The following ART4 variants were observed in gnomAD, a reference collection of about 807,000 sequenced individuals.
ART4 encodes ADP-ribosyltransferase 4 (inactive) (Dombrock blood group).
ART4 carries 14 observed loss-of-function variants against 24.2 expected under a neutral mutation model. The ratio of observed to expected loss-of-function variants is 0.58; its 90% CI spans 0.38 to 0.90. ART4 has a LOEUF of 0.90. Among genes scored for constraint, ART4 ranks in the 40% least tolerant of loss-of-function variants. The pLI, the probability that ART4 is intolerant of heterozygous loss-of-function variation, is 0.00. For synonymous variants in ART4, 145 were observed against 139.9 expected, an observed-to-expected ratio of 1.04 and a Z score of -0.26; for missense variants, 356 against 366.6, an observed-to-expected ratio of 0.97 and a Z score of 0.24.
chr12:14,836,594 A>T (rs565658562), intron 2 of ART4, among the ~76,000 whole-genome samples: 2 of 152,298 alleles, frequency 1.3e-5, no homozygotes, highest in East Asian at 1.9e-4. Flanking sequence ...CATTACTGCA[A>T]TTTTTTGCCC....
chr12:14,829,145 A>C lies in ART4; in HGVS notation c.*226T>G. 1 of 336,320 alleles carries C rather than the reference A, an allele frequency of 3.0e-6. No individual in the cohort carries two copies. Among genetic ancestry groups the C allele is most frequent in the Non-Finnish European group, 5.3e-6 (1 of 189,902 alleles). 20.8% of individuals were successfully genotyped at this position (336,320 alleles called of 1,614,324 possible). A position where few individuals can be genotyped will look rare whatever the true frequency, so the allele number is the denominator to read the frequency against. On this transcript the variant is annotated 3_prime_UTR_variant, in exon 3 of 3. Coordinates refer to ENST00000228936, the MANE Select transcript of ART4 (RefSeq NM_021071.4). ...GCTCTGCATCAGTTGCTAGCTGGGC[A>C]GAGTGATTTCCCCAAGAGTACTTAG...
At chr12:14,834,550 C>G (rs756991088) in intron 2 of ART4, among the ~76,000 whole-genome samples, 1 of 152,150 alleles carries the variant, frequency 6.6e-6, no homozygotes, top group Non-Finnish European at 1.5e-5. Context: ...CTATATTTCT[C>G]TAGAAACATG....
At chr12:14,830,119 AGTGTGTGTGTGTGT>A (rs113436435) in intron 2 of ART4, among the ~76,000 whole-genome samples, 13 of 145,618 alleles carry the variant, frequency 8.9e-5, no homozygotes, top group Admixed American at 3.4e-4. Context: ...TCCTGTTTGG[AGTGTGTGTGTGTGT>A]GTGTGTGTGT....
At chr12:14,837,795 G>A (rs1356543124) in intron 2 of ART4, among the ~76,000 whole-genome samples, 1 of 152,192 alleles carries the variant, frequency 6.6e-6, no homozygotes, top group African/African-American at 2.4e-5. Context: ...GATTACGGGT[G>A]TGAGCCACCG....
intron 2 of ART4, among the ~76,000 whole-genome samples, chr12:14,832,357 A>T (rs943655613): frequency 2.6e-5 from 4 of 152,130 alleles, no homozygotes; most frequent in Non-Finnish European, 1.5e-5. Flanking sequence ...CCTCAGATAT[A>T]CATGGGACTG....
chr12:14,841,531 G>A (rs1017339916), intron 1 of ART4, among the ~76,000 whole-genome samples: 36 of 152,222 alleles, frequency 2.4e-4, no homozygotes, highest in African/African-American at 8.4e-4. Flanking sequence ...TCTCACTGGT[G>A]TTTTCAAAAA....
chr12:14,841,662 A>G lies in ART4; in HGVS notation c.145-509T>C, dbSNP rs147797820. 3.1e-3 allele frequency among the ~76,000 whole-genome samples: 477 copies of G among 152,352 alleles called. 3 individuals carry two copies. The highest frequency in any genetic ancestry group is 0.011 in the African/African-American group (459 of 41,570). On this transcript the variant is annotated intron_variant, in intron 1 of 2. Coordinates refer to ENST00000228936, the MANE Select transcript of ART4 (RefSeq NM_021071.4). The stretch of plus-strand genomic sequence containing the variant: ...TCTTGTCTACCTGGGTTCTGAAAAC[A>G]TTGATAATAAAAATAGCAAAATATG...
At chr12:14,842,888 G>A (rs1863074703) in intron 1 of ART4, 82 bp downstream of exon 1, 7 of 1,451,454 alleles carry the variant, frequency 4.8e-6, no homozygotes, top group South Asian at 4.2e-5. Flanking sequence ...CTAAGTTTTC[G>A]GCCATTTAAA....
In ART4 at chr12:14,843,248, G is replaced by C; in HGVS notation, c.-135C>G. 9.6e-7 allele frequency: 1 copy of C among 1,041,846 alleles called. No individual in the cohort carries two copies. The highest frequency in any genetic ancestry group is 2.6e-5 in the East Asian group (1 of 37,964). 64.5% of individuals were successfully genotyped at this position (1,041,846 alleles called of 1,614,324 possible). On this transcript the variant is annotated 5_prime_UTR_variant, in exon 1 of 3. Transcript: ENST00000228936. ...CCCCTGTCTATGCTGAGCAACTTCT[G>C]TTGCCCACCAACAACCAATAGCTTG...
In ART4 at chr12:14,826,743, C is replaced by T. The variant is rs148149107; in HGVS notation, c.*2628G>A. The T allele has an allele frequency of 6.6e-6, 1 of 152,318 alleles. No homozygotes were observed. The highest frequency in any genetic ancestry group is 2.4e-5 in the African/African-American group (1 of 41,546). 9.4% of individuals were successfully genotyped at this position (152,318 alleles called of 1,614,324 possible). On this transcript the variant is annotated 3_prime_UTR_variant, in exon 3 of 3. Coordinates refer to ENST00000228936, the MANE Select transcript of ART4 (RefSeq NM_021071.4). ...GTACATACATCGATCATTCCGTATT[C>T]GCTTCTATTTTCTGCTTTCCTCTAA...
Position 14,842,798 on chromosome 12 carries a change from A to G in ART4, c.144+172T>C, listed in dbSNP as rs2137306860. 2.0e-5 allele frequency among the ~76,000 whole-genome samples: 3 copies of G among 152,354 alleles called. 1 individual carries two copies. In the Middle Eastern group the frequency reaches 0.01, roughly 518 times the overall value. On this transcript the variant is annotated intron_variant, in intron 1 of 2. Transcript: ENST00000228936. ...AAGTGTACTAACAGTGAAGGATTCTACAATTTTTCATAACTGTTTTCAACA... is the reference window on the plus strand; with the variant it reads ...AAGTGTACTAACAGTGAAGGATTCTGCAATTTTTCATAACTGTTTTCAACA...
At position 14,828,347 on chromosome 12, in the gene ART4, A is replaced by G. The variant is rs1488877698; in HGVS notation, c.*1024T>C. The G allele has an allele frequency of 6.6e-6, 1 of 152,194 alleles. No homozygotes were observed. Among genetic ancestry groups the G allele is most frequent in the East Asian group, 1.9e-4 (1 of 5,200 alleles). 9.4% of individuals were successfully genotyped at this position (152,194 alleles called of 1,614,324 possible). ...TATGAGTTTAAATTTTAACTTTTGT[A>G]ATGTCTTAGGAACATGCATGAACAC... On this transcript the variant is annotated 3_prime_UTR_variant, in exon 3 of 3. Coordinates refer to ENST00000228936, the MANE Select transcript of ART4 (RefSeq NM_021071.4).
At chr12:14,830,496 A>G (rs1278351348) in intron 2 of ART4, among the ~76,000 whole-genome samples, 1 of 144,508 alleles carries the variant, frequency 6.9e-6, no homozygotes, top group East Asian at 2.2e-4. Context: ...ATTTTCACAC[A>G]ATATATACAT....
In ART4 at chr12:14,826,005, C is replaced by T. The variant is rs560232879; in HGVS notation, c.*3366G>A. On this transcript the variant is annotated 3_prime_UTR_variant, in exon 3 of 3. Transcript: ENST00000228936. ...TACTATAGGACATAAGTACTCCTTA[C>T]AGCACAGTCTCTGTTAACAGTTGCA... is the stretch of plus-strand genomic sequence containing the variant. 4.2e-4 allele frequency: 64 copies of T among 152,308 alleles called. 1 individual carries two copies. Among genetic ancestry groups the T allele is most frequent in the African/African-American group, 1.4e-3 (60 of 41,570 alleles). The allele number at this position is 152,308 out of a possible 1,614,324, so 9.4% of individuals were successfully genotyped here.
chr12:14,842,526 T>C (rs1406166122), intron 1 of ART4, among the ~76,000 whole-genome samples: 2 of 152,358 alleles, frequency 1.3e-5, no homozygotes, highest in East Asian at 3.9e-4. Context: ...TGATGAACTC[T>C]GAAACTTTGT....
At chr12:14,841,207 G>A in intron 1 of ART4, 54 bp from the exon 2 acceptor site, 2 of 1,508,030 alleles carry the variant, frequency 1.3e-6, no homozygotes, top group Non-Finnish European at 1.8e-6. Flanking sequence ...TGGTGAATGT[G>A]GTTGCAGATT....
chr12:14,828,527 C>T lies in ART4; in HGVS notation c.*844G>A, dbSNP rs897090738. ...GAAGAAAATTCACACCTTGGTTAAT[C>T]TCTGGGGTTCAAAGCTTTTCTGTTT... On this transcript the variant is annotated 3_prime_UTR_variant, in exon 3 of 3. Coordinates refer to ENST00000228936, the MANE Select transcript of ART4 (RefSeq NM_021071.4). The T allele has an allele frequency of 5.3e-5, 8 of 152,052 alleles. No homozygotes were observed. The highest frequency in any genetic ancestry group is 1.5e-5 in the Non-Finnish European group (1 of 68,012). 9.4% of individuals were successfully genotyped at this position (152,052 alleles called of 1,614,324 possible).
At position 14,829,366 on chromosome 12, in the gene ART4, T is replaced by C. The variant is rs757536548; in HGVS notation, c.*5A>G. ...TTTTTAAATAAAAGGAGCCACAAGATTTCTTTATACTCTGCTTTTGGAAAA... is the reference window on the plus strand; with the variant it reads ...TTTTTAAATAAAAGGAGCCACAAGACTTCTTTATACTCTGCTTTTGGAAAA... On this transcript the variant is annotated 3_prime_UTR_variant, in exon 3 of 3. Transcript: ENST00000228936. 1.3e-6 allele frequency: 2 copies of C among 1,529,364 alleles called. No individual in the cohort carries two copies. The highest frequency in any genetic ancestry group is 1.8e-6 in the Non-Finnish European group (2 of 1,140,282). The allele number at this position is 1,529,364 out of a possible 1,614,324, so 94.7% of individuals were successfully genotyped here.
At position 14,827,149 on chromosome 12, in the gene ART4, T is replaced by C. The variant is rs1333950207; in HGVS notation, c.*2222A>G. ...ACTCATGAGAGATCTGGCCTAGTGTTCTTAACTTTTAATCCCCAAAGTGCT... is the reference window on the plus strand; with the variant it reads ...ACTCATGAGAGATCTGGCCTAGTGTCCTTAACTTTTAATCCCCAAAGTGCT... On this transcript the variant is annotated 3_prime_UTR_variant, in exon 3 of 3. Transcript: ENST00000228936. The C allele has an allele frequency of 6.6e-6, 1 of 152,166 alleles. No homozygotes were observed. The highest frequency in any genetic ancestry group is 1.5e-5 in the Non-Finnish European group (1 of 68,036). The allele number at this position is 152,166 out of a possible 1,614,324, so 9.4% of individuals were successfully genotyped here.
Sources: allele counts gnomAD v4.1 joint callset (sites outside exome capture counted in the v4.1 genomes callset), GRCh38; gene constraint gnomAD v4.1.1; transcripts MANE v1.5; gene names NCBI Gene and HGNC (gene_info 2026-07-23, HGNC 2026-07-21).